Variants in MEI1 observed in about 807,000 individuals in gnomAD.
The protein encoded by MEI1 is meiotic double-stranded break formation protein 1.
MEI1 carries 103 observed loss-of-function variants against 146.2 expected under a neutral mutation model. The observed-to-expected ratio is 0.70, with a 90% CI of 0.60 to 0.83. MEI1 has a LOEUF of 0.83. Among genes scored for constraint, MEI1 ranks in the 40% least tolerant of loss-of-function variants. MEI1 has a pLI of 0.00. For synonymous variants in MEI1, 652 were observed against 628.2 expected, an observed-to-expected ratio of 1.04 and a Z score of -0.57; for missense variants, 1,529 against 1,533.0, an observed-to-expected ratio of 1.00 and a Z score of 0.04.
intron 6 of MEI1, among the ~76,000 whole-genome samples, chr22:41,719,797 G>A (rs1290020570): frequency 6.6e-6 from 1 of 152,166 alleles, no homozygotes; most frequent in Non-Finnish European, 1.5e-5. Flanking sequence ...TCTATCAACT[G>A]TTCTAAGCAG....
intron 11 of MEI1, among the ~76,000 whole-genome samples, chr22:41,734,674 G>C (rs189521760): frequency 3.3e-4 from 50 of 152,326 alleles, no homozygotes; most frequent in Admixed American, 5.9e-4. Context: ...GTTTCGCTCT[G>C]TCGCCCAGGC....
intron 12 of MEI1, among the ~76,000 whole-genome samples, chr22:41,744,741 G>A (rs1177849052): frequency 2.5e-5 from 1 of 39,858 alleles, no homozygotes; most frequent in Admixed American, 1.3e-4. Context: ...CTCGTGATCC[G>A]CCCGCCTCGG....
chr22:41,761,264 T>C (rs1165504564), intron 18 of MEI1, among the ~76,000 whole-genome samples: 3 of 151,488 alleles, frequency 2.0e-5, no homozygotes, highest in Non-Finnish European at 2.9e-5. Context: ...TGAGCTGATA[T>C]TGTGCCATTG....
In MEI1 at chr22:41,784,729, G is replaced by A. The variant is rs2075890640; in HGVS notation, c.3291G>A (p.Leu1097=). Residue 1097 remains leucine, a synonymous_variant, in exon 26 of 31, where the codon CTG becomes CTA. Transcript: ENST00000401548. ...PATKDTVLAP[L]RMSQVRSLVI... ...CCAAGGACACTGTCCTAGCTCCACT[G>A]CGAATGTCGCAAGTCCGGTCCCTGG... 1 of 1,613,240 alleles carries A rather than the reference G, an allele frequency of 6.2e-7. No individual in the cohort carries two copies. The highest frequency in any genetic ancestry group is 8.5e-7 in the Non-Finnish European group (1 of 1,179,626).
rs766810603 is a variant in MEI1, at chr22:41,723,974, CT to C, written c.768del (p.Phe256LeufsTer4). 1 of 1,609,714 alleles carries C rather than the reference CT, an allele frequency of 6.2e-7. No individual in the cohort carries two copies. Among genetic ancestry groups the C allele is most frequent in the Non-Finnish European group, 8.5e-7 (1 of 1,178,000 alleles). On this transcript the variant is annotated frameshift_variant, in exon 7 of 31. Coordinates refer to ENST00000401548, the MANE Select transcript of MEI1 (RefSeq NM_152513.4). LOFTEE classifies it high-confidence loss of function. The part of the protein sequence containing the change: ...LLRQLLKYDL[F>X]VSMIMNQDGL... ...TGAGGCAGCTGTTGAAGTATGATCT[CT>C]TTGTGTCCATGATCATGAACCAGGA...
chr22:41,721,574 G>A (rs1207028805), intron 6 of MEI1, among the ~76,000 whole-genome samples: 1 of 145,408 alleles, frequency 6.9e-6, no homozygotes, highest in Non-Finnish European at 1.5e-5. Context: ...ATTTTTTTTT[G>A]TAGAGTCTGG....
At chr22:41,731,916 G>A (rs940474523) in intron 9 of MEI1, among the ~76,000 whole-genome samples, 39 of 152,158 alleles carry the variant, frequency 2.6e-4, no homozygotes, top group African/African-American at 8.7e-4. Context: ...AGGCTTTTTG[G>A]AGGAGTGGGG....
At chr22:41,723,870 T>C (rs2071084903) in intron 6 of MEI1, 73 bp from the exon 7 acceptor site, 7 of 1,510,328 alleles carry the variant, frequency 4.6e-6, no homozygotes, top group Non-Finnish European at 6.3e-6. Flanking sequence ...TGGGGATGTC[T>C]GAGGGGCTAT....
At chr22:41,729,552 T>C (rs2071672353) in intron 7 of MEI1, 113 bp from the exon 8 acceptor site, 1 of 697,638 alleles carries the variant, frequency 1.4e-6, no homozygotes, top group Admixed American at 2.2e-5. Flanking sequence ...TGGTGCCATG[T>C]GGGACAGGAA....
At chr22:41,731,373 G>T (rs182393679) in intron 9 of MEI1, among the ~76,000 whole-genome samples, 1 of 151,338 alleles carries the variant, frequency 6.6e-6, no homozygotes, top group East Asian at 1.9e-4. Context: ...TTTTGAGACG[G>T]AGTCCTGCTC....
intron 18 of MEI1, 110 bp downstream of exon 18, chr22:41,758,643 C>T (rs918008007): frequency 1.7e-5 from 19 of 1,128,016 alleles, no homozygotes; most frequent in African/African-American, 9.4e-5. Flanking sequence ...ACTGGGGACA[C>T]GGGGATAAGT....
In MEI1 at chr22:41,718,249, A is replaced by T; in HGVS notation, c.708A>T (p.Thr236=). 6.2e-7 allele frequency: 1 copy of T among 1,613,964 alleles called. No individual in the cohort carries two copies. Residue 236 remains threonine (T), a synonymous_variant, in exon 6 of 31, where the codon ACA becomes ACT. Coordinates refer to ENST00000401548, the MANE Select transcript of MEI1 (RefSeq NM_152513.4). ...LFLSILDGAQ[T]KELQINCLGL... Reference sequence around the variant, plus strand: ...TTTCCATCCTGGATGGTGCCCAGACAAAGGAGCTGCAGATTAACTGCTTGG... The same window carrying T: ...TTTCCATCCTGGATGGTGCCCAGACTAAGGAGCTGCAGATTAACTGCTTGG...
Position 41,795,213 on chromosome 22 carries a change from G to T in MEI1, c.3535-198G>T, listed in dbSNP as rs974570523. ...GGGGTCAGGAGGGCCAGCTCTCTCA[G>T]GATCTCACAGGTTGCCTTACTTACC... On this transcript the variant is annotated intron_variant, in intron 28 of 30. Coordinates refer to ENST00000401548, the MANE Select transcript of MEI1 (RefSeq NM_152513.4). This position sits in a 1 kb window ranked among gnomAD's most constrained non-coding sequence, Gnocchi z 4.2. Among the ~76,000 whole-genome samples the T allele has an allele frequency of 6.6e-6, 1 of 152,164 alleles. No homozygotes were observed. The highest frequency in any genetic ancestry group is 2.4e-5 in the African/African-American group (1 of 41,422).
chr22:41,716,000 T>C, intron 4 of MEI1, 41 bp from the exon 5 acceptor site: 1 of 1,430,056 alleles, frequency 7.0e-7, no homozygotes, highest in Non-Finnish European at 9.7e-7. Context: ...AGATCTGTCC[T>C]GATCCTAATT....
intron 20 of MEI1, among the ~76,000 whole-genome samples, chr22:41,775,054 G>C (rs889938669): frequency 1.3e-5 from 2 of 152,314 alleles, no homozygotes; most frequent in African/African-American, 4.8e-5. Context: ...CTGGCCCAGC[G>C]CATTAGCCTG....
chr22:41,794,299 A>C, intron 27 of MEI1, 72 bp from the exon 28 acceptor site: 1 of 1,312,312 alleles, frequency 7.6e-7, no homozygotes, highest in Non-Finnish European at 1.1e-6. Context: ...TTAAGCCAAT[A>C]GGAGAAGGTC....
At chr22:41,708,952 G>A (rs1218420007) in intron 3 of MEI1, among the ~76,000 whole-genome samples, 1 of 152,136 alleles carries the variant, frequency 6.6e-6, no homozygotes, top group Non-Finnish European at 1.5e-5. Flanking sequence ...AAGTGGCCAC[G>A]TGTGTCAAAG....
At chr22:41,710,111 A>G (rs1017033447) in intron 3 of MEI1, among the ~76,000 whole-genome samples, 4 of 152,068 alleles carry the variant, frequency 2.6e-5, no homozygotes, top group African/African-American at 9.7e-5. Context: ...CAATCTGACT[A>G]GTATCCTTAT....
At chr22:41,754,134 T>A in intron 17 of MEI1, 88 bp downstream of exon 17, 1 of 975,498 alleles carries the variant, frequency 1.0e-6, no homozygotes, top group Non-Finnish European at 1.6e-6. Context: ...AGTGAGTTAG[T>A]ACAGCCACGA....
Sources: gnomAD v4.1 joint callset for allele counts (sites outside exome capture counted in the v4.1 genomes callset) on GRCh38, gnomAD v4.1.1 for gene constraint, Gnocchi (gnomAD v3.1) non-coding constraint, MANE v1.5 for transcripts, NCBI Gene and HGNC (gene_info 2026-07-23, HGNC 2026-07-21) for gene names.